The following CYYR1 variants were observed in gnomAD, a reference collection of about 807,000 sequenced individuals.
CYYR1 encodes the protein cysteine and tyrosine-rich protein 1.
A neutral mutation model predicts 15.2 loss-of-function variants in CYYR1; 14 were observed. That is an observed-to-expected ratio of 0.92 (90% CI 0.61 to 1.44). The LOEUF (loss-of-function observed/expected upper bound fraction) is 1.44, where lower values mean the gene tolerates loss of function less well. Among genes scored for constraint, CYYR1 ranks in the 40% most tolerant of loss-of-function variants. The probability of loss-of-function intolerance (pLI) is 0.00; values close to 1 mark genes in which losing one functional copy is unlikely to be tolerated. For missense variants in CYYR1, 228 were observed against 209.5 expected (o/e 1.09, Z -0.54); for synonymous variants, 80 against 77.4 (o/e 1.03, Z -0.18).
intron 2 of CYYR1, among the ~76,000 whole-genome samples, chr21:26,487,262 C>G (rs2065261649): frequency 6.6e-6 from 1 of 151,866 alleles, no homozygotes; most frequent in African/African-American, 2.4e-5. Context: ...AAAGAATAAA[C>G]TTAAAGTAGG....
In CYYR1 at chr21:26,531,963, A is replaced by G. The variant is rs756622534; in HGVS notation, c.176+34303T>C. ...ATAGTGATTAAAGTCACAGTTGTGC[A>G]TGCCTGACACAACCTCTGGCCTGCA... On this transcript the variant is annotated intron_variant, in intron 2 of 3. Transcript: ENST00000652641. 2.2e-4 allele frequency among the ~76,000 whole-genome samples: 34 copies of G among 152,126 alleles called. 1 individual carries two copies. The highest frequency in any genetic ancestry group is 4.0e-4 in the Non-Finnish European group (27 of 68,014).
intron 2 of CYYR1, among the ~76,000 whole-genome samples, chr21:26,565,932 CA>C (rs1457670656): frequency 1.3e-5 from 2 of 152,062 alleles, no homozygotes; most frequent in African/African-American, 4.8e-5. Flanking sequence ...ACAAAACAGA[CA>C]AAACCATATC....
intron 2 of CYYR1, among the ~76,000 whole-genome samples, chr21:26,494,681 C>G (rs1382715381): frequency 6.6e-6 from 1 of 151,848 alleles, no homozygotes; most frequent in Admixed American, 6.6e-5. Flanking sequence ...ATATTCTATG[C>G]TTGTATACAC....
Position 26,468,456 on chromosome 21 carries a change from C to T in CYYR1, c.*45G>A. 1 of 1,247,234 alleles carries T rather than the reference C, an allele frequency of 8.0e-7. No homozygotes were observed. The highest frequency in any genetic ancestry group is 1.2e-6 in the Non-Finnish European group (1 of 844,798). 77.3% of individuals were successfully genotyped at this position (1,247,234 alleles called of 1,614,324 possible). Reference sequence around the variant, plus strand: ...GTTTCTGAGTAGAGGCATTTTATTCCAGGCAAGATCGCCCATTGGCACATG... The same window carrying T: ...GTTTCTGAGTAGAGGCATTTTATTCTAGGCAAGATCGCCCATTGGCACATG... On this transcript the variant is annotated 3_prime_UTR_variant, in exon 4 of 4. Transcript: ENST00000652641.
chr21:26,520,362 T>C (rs1224224482), intron 2 of CYYR1, among the ~76,000 whole-genome samples: 1 of 151,962 alleles, frequency 6.6e-6, no homozygotes, highest in African/African-American at 2.4e-5. Flanking sequence ...AGTTTCCTGA[T>C]GATGATGGCT....
At chr21:26,489,365 G>A (rs977394710) in intron 2 of CYYR1, among the ~76,000 whole-genome samples, 11 of 152,076 alleles carry the variant, frequency 7.2e-5, no homozygotes, top group African/African-American at 2.7e-4. Flanking sequence ...TGAACAAAAA[G>A]TACCCTTTAA....
chr21:26,476,308 G>A (rs1460632158), intron 3 of CYYR1, among the ~76,000 whole-genome samples: 1 of 152,076 alleles, frequency 6.6e-6, no homozygotes, highest in Non-Finnish European at 1.5e-5. Context: ...AAAGGTCCAT[G>A]ATCTTTATCT....
intron 2 of CYYR1, among the ~76,000 whole-genome samples, chr21:26,536,598 C>T (rs528625160): frequency 1.4e-4 from 21 of 152,130 alleles, no homozygotes; most frequent in South Asian, 4.2e-4. Context: ...ATAAAGGACC[C>T]GAAGCTTTGC....
Position 26,479,695 on chromosome 21 carries a change from A to G in CYYR1, c.334+577T>C, listed in dbSNP as rs1601729822. On this transcript the variant is annotated intron_variant, in intron 3 of 3. Transcript: ENST00000652641. Reference sequence around the variant, plus strand: ...TTTTTTTTTCTTTTGTATTTTTAGTAGAGACTGAGTTTCTCCAAGTTGGCC... The same window carrying G: ...TTTTTTTTTCTTTTGTATTTTTAGTGGAGACTGAGTTTCTCCAAGTTGGCC... 3.3e-5 allele frequency among the ~76,000 whole-genome samples: 5 copies of G among 152,032 alleles called. No individual in the cohort carries two copies. In the Middle Eastern group the frequency reaches 0.017, roughly 517 times the overall value.
chr21:26,542,290 CGTGTGT>C (rs55725152), intron 2 of CYYR1, among the ~76,000 whole-genome samples: 32 of 128,066 alleles, frequency 2.5e-4, no homozygotes, highest in Non-Finnish European at 4.3e-4. Flanking sequence ...TGTGTGTGTG[CGTGTGT>C]GTGTGTGTGT....
chr21:26,512,261 C>T (rs140434306), intron 2 of CYYR1, among the ~76,000 whole-genome samples: 7,396 of 151,978 alleles, frequency 0.049, 209 homozygotes, highest in South Asian at 0.074. Context: ...TGCAATGGTG[C>T]GATCTTGGCT....
chr21:26,525,949 T>TA (rs2065858664), intron 2 of CYYR1, among the ~76,000 whole-genome samples: 1 of 152,148 alleles, frequency 6.6e-6, no homozygotes, highest in Admixed American at 6.5e-5. Flanking sequence ...TTCTCAGTTA[T>TA]AAATGGAAGC....
intron 3 of CYYR1, among the ~76,000 whole-genome samples, chr21:26,472,581 G>A (rs1004215932): frequency 6.6e-6 from 1 of 151,972 alleles, no homozygotes; most frequent in Non-Finnish European, 1.5e-5. Flanking sequence ...TCCACTGTTT[G>A]TTATTCATAT....
chr21:26,478,733 T>C (rs1277063288), intron 3 of CYYR1, among the ~76,000 whole-genome samples: 1 of 152,008 alleles, frequency 6.6e-6, no homozygotes, highest in Non-Finnish European at 1.5e-5. Context: ...CAGGATGTTA[T>C]TAGAGTAAAG....
At chr21:26,490,503 G>T (rs2065313269) in intron 2 of CYYR1, among the ~76,000 whole-genome samples, 1 of 151,874 alleles carries the variant, frequency 6.6e-6, no homozygotes, top group South Asian at 2.1e-4. Context: ...AAATAATTTG[G>T]TCATACTCAG....
intron 2 of CYYR1, among the ~76,000 whole-genome samples, chr21:26,534,111 T>C (rs2065966169): frequency 6.6e-6 from 1 of 152,154 alleles, no homozygotes; most frequent in Non-Finnish European, 1.5e-5. Flanking sequence ...CTCGCAAAAA[T>C]ATTTGTCAAT....
chr21:26,557,515 G>A (rs1023712343), intron 2 of CYYR1, among the ~76,000 whole-genome samples: 6 of 152,160 alleles, frequency 3.9e-5, no homozygotes, highest in African/African-American at 1.4e-4. Flanking sequence ...CACAAGGAGT[G>A]TATTCAGGTT....
At chr21:26,478,876 T>C (rs925017119) in intron 3 of CYYR1, among the ~76,000 whole-genome samples, 11 of 152,098 alleles carry the variant, frequency 7.2e-5, no homozygotes, top group African/African-American at 2.4e-4. Flanking sequence ...GCATGGTTTC[T>C]GGCCTGAGCA....
intron 2 of CYYR1, among the ~76,000 whole-genome samples, chr21:26,513,175 C>T (rs2045748330): frequency 6.6e-6 from 1 of 152,218 alleles, no homozygotes; most frequent in Non-Finnish European, 1.5e-5. Context: ...TGAAATCTTG[C>T]TTCTGTGAAT....
Sources: gnomAD v4.1 joint callset for allele counts (sites outside exome capture counted in the v4.1 genomes callset) on GRCh38, gnomAD v4.1.1 for gene constraint, MANE v1.5 for transcripts, NCBI Gene and HGNC (gene_info 2026-07-23, HGNC 2026-07-21) for gene names.